The following NLRP9 variants were observed in gnomAD, a reference collection of about 807,000 sequenced individuals.
NLRP9 encodes the protein NLR family pyrin domain containing 9, also known as NACHT, LRR and PYD domains-containing protein 9.
NLRP9 carries 88 observed loss-of-function variants against 83.1 expected under a neutral mutation model. That is an observed-to-expected ratio of 1.06 (90% CI 0.89 to 1.26). The LOEUF (loss-of-function observed/expected upper bound fraction) is 1.26. NLRP9 is among the 50% of genes most tolerant of loss of function. NLRP9 has a pLI of 0.00. For synonymous variants in NLRP9, 521 were observed against 447.6 expected (o/e 1.16, Z -2.07); for missense variants, 1,308 against 1,179.3 (o/e 1.11, Z -1.60).
chr19:55,724,994 G>A (rs1458392019), intron 3 of NLRP9, among the ~76,000 whole-genome samples: 1 of 152,124 alleles, frequency 6.6e-6, no homozygotes, highest in Non-Finnish European at 1.5e-5. Context: ...AGGAGGCGGA[G>A]GCTGCAGTGA....
chr19:55,722,730 C>T (rs1036087402), intron 4 of NLRP9, among the ~76,000 whole-genome samples: 4 of 152,160 alleles, frequency 2.6e-5, no homozygotes, highest in Non-Finnish European at 5.9e-5. Flanking sequence ...CACAATAGCA[C>T]AGCCTTGGAA....
In NLRP9 at chr19:55,737,831, C is replaced by G. The variant is rs553067833; in HGVS notation, c.280+264G>C. ...ATGCAGACACTAACTGGCCACTCAT[C>G]TCCTATAACAACGACTCCACTTGGG... On this transcript the variant is annotated intron_variant, in intron 1 of 8. Coordinates refer to ENST00000332836, the MANE Select transcript of NLRP9 (RefSeq NM_176820.4). 1.3e-4 allele frequency among the ~76,000 whole-genome samples: 19 copies of G among 150,968 alleles called. 1 individual carries two copies. Among genetic ancestry groups the G allele is most frequent in the South Asian group, 2.1e-4 (1 of 4,726 alleles).
intron 5 of NLRP9, among the ~76,000 whole-genome samples, chr19:55,716,105 C>T (rs1260645698): frequency 6.6e-6 from 1 of 152,126 alleles, no homozygotes; most frequent in African/African-American, 2.4e-5. Flanking sequence ...CCGTATACTT[C>T]GCTGAGAGTT....
chr19:55,717,487 A>G (rs1988066830), intron 4 of NLRP9, among the ~76,000 whole-genome samples: 1 of 152,178 alleles, frequency 6.6e-6, no homozygotes, highest in Admixed American at 6.6e-5. Flanking sequence ...GTCTGCATAT[A>G]TTATTGGCTG....
chr19:55,710,301 T>G (rs1258667770), intron 8 of NLRP9, among the ~76,000 whole-genome samples: 1 of 152,140 alleles, frequency 6.6e-6, no homozygotes, highest in Non-Finnish European at 1.5e-5. Flanking sequence ...TCTGAATTCA[T>G]TTTTCCCTTT....
In NLRP9 at chr19:55,735,538, T is replaced by C. The variant is rs1988762480; in HGVS notation, c.281-1988A>G. Reference sequence around the variant, plus strand: ...AGCTTGATCTGTGTCTGTATTACTCTACATTTTTCTTCTGCCCGATTTTTC... The same window carrying C: ...AGCTTGATCTGTGTCTGTATTACTCCACATTTTTCTTCTGCCCGATTTTTC... On this transcript the variant is annotated intron_variant, in intron 1 of 8. Transcript: ENST00000332836. Among the ~76,000 whole-genome samples the C allele has an allele frequency of 2.0e-5, 3 of 152,212 alleles. No homozygotes were observed. In the South Asian group the frequency reaches 6.2e-4, roughly 31 times the overall value.
rs752934372 is a variant in NLRP9, at chr19:55,716,805, T to G, written c.2253A>C (p.Glu751Asp). The G allele has an allele frequency of 2.0e-5, 32 of 1,613,822 alleles. No individual in the cohort carries two copies. The highest frequency in any genetic ancestry group is 2.6e-5 in the Non-Finnish European group (31 of 1,179,916). The part of the protein sequence containing the change: ...NSKLKHLSLV[E>D]NPLRDEGMTL... The stretch of plus-strand genomic sequence containing the variant: ...TCATTCCTTCGTCCCTCAAGGGATT[T>G]TCTACCAAGGAGAGGTGTTTCAGCT... The change falls in exon 5 of 9, where the codon GAA becomes GAC. Residue 751 changes from glutamate to aspartate, a missense_variant. Coordinates refer to ENST00000332836, the MANE Select transcript of NLRP9 (RefSeq NM_176820.4).
chr19:55,715,172 A>C lies in NLRP9; in HGVS notation c.2384T>G (p.Leu795Arg). The C allele has an allele frequency of 6.2e-7, 1 of 1,613,452 alleles. No individual in the cohort carries two copies. The highest frequency in any genetic ancestry group is 1.1e-5 in the South Asian group (1 of 91,068). The change falls in exon 6 of 9, where the codon CTC becomes CGC. Residue 795 changes from leucine (L) to arginine (R), a missense_variant. Physicochemically the swap from Leu to Arg is moderately radical, Grantham distance 102. Coordinates refer to ENST00000332836, the MANE Select transcript of NLRP9 (RefSeq NM_176820.4). Reference sequence around the variant, plus strand: ...GAGGGACAGGGACTTACTGCACAAGAGGACTTCGGAAATGGAGTCACAGGA... The same window carrying C: ...GAGGGACAGGGACTTACTGCACAAGCGGACTTCGGAAATGGAGTCACAGGA... ...SVSCDSISEVLLCSKSLSLLD... is the reference protein window; with the variant it reads ...SVSCDSISEVRLCSKSLSLLD...
chr19:55,727,930 G>A (rs1988448319), intron 3 of NLRP9, among the ~76,000 whole-genome samples: 1 of 152,080 alleles, frequency 6.6e-6, no homozygotes, highest in Admixed American at 6.5e-5. Flanking sequence ...GCACACAAAG[G>A]AAAAACCACC....
At position 55,737,103 on chromosome 19, in the gene NLRP9, C is replaced by T. The variant is rs541862989; in HGVS notation, c.280+992G>A. 2.3e-4 allele frequency among the ~76,000 whole-genome samples: 35 copies of T among 151,860 alleles called. No individual in the cohort carries two copies. In the South Asian group the frequency reaches 7.3e-3, roughly 32 times the overall value. On this transcript the variant is annotated intron_variant, in intron 1 of 8. Coordinates refer to ENST00000332836, the MANE Select transcript of NLRP9 (RefSeq NM_176820.4). ...ATATATTTAGTTTTTCCTAAGTATC[C>T]CCCGAGAGGAGGGTGTAGACCCCAT...
rs767341532 is a variant in NLRP9 at position 55,733,499 on chromosome 19, CAT to C, written c.330_331del (p.Ile110MetfsTer11). ...GACGTGAAGACAGGTTTCCTTCTCC[CAT>C]ATGAGTTGAAATGTTTCCTTCATAT... On this transcript the variant is annotated frameshift_variant, in exon 2 of 9. Transcript: ENST00000332836. LOFTEE classifies it high-confidence loss of function. 3.7e-6 allele frequency: 6 copies of C among 1,610,628 alleles called. No homozygotes were observed. Among genetic ancestry groups the C allele is most frequent in the Middle Eastern group, 1.7e-4 (1 of 6,056 alleles).
At chr19:55,718,521 T>C (rs1177079208) in intron 4 of NLRP9, among the ~76,000 whole-genome samples, 2 of 152,208 alleles carry the variant, frequency 1.3e-5, no homozygotes, top group Non-Finnish European at 2.9e-5. Context: ...CTGTGACTCT[T>C]TGCTACACTG....
At chr19:55,737,955 G>C in intron 1 of NLRP9, 140 bp downstream of exon 1, 1 of 820,222 alleles carries the variant, frequency 1.2e-6, no homozygotes, top group Non-Finnish European at 2.0e-6. Context: ...GCCCTGGCCT[G>C]CAACTCTTCC....
intron 5 of NLRP9, among the ~76,000 whole-genome samples, chr19:55,715,492 A>G (rs1223150670): frequency 2.6e-5 from 4 of 152,110 alleles, no homozygotes; most frequent in Non-Finnish European, 5.9e-5. Context: ...TGAGACCAGC[A>G]TGACCCACAT....
At chr19:55,731,585 G>A (rs1600141206) in intron 2 of NLRP9, among the ~76,000 whole-genome samples, 1 of 151,850 alleles carries the variant, frequency 6.6e-6, no homozygotes, top group Non-Finnish European at 1.5e-5. Flanking sequence ...TTAGCCGGGC[G>A]TGGTGGCGGG....
At chr19:55,717,354 T>G (rs1988062220) in intron 4 of NLRP9, among the ~76,000 whole-genome samples, 1 of 152,132 alleles carries the variant, frequency 6.6e-6, no homozygotes, top group Non-Finnish European at 1.5e-5. Flanking sequence ...TTTTAAGAAG[T>G]GCAAACGTAA....
chr19:55,731,897 T>C, intron 2 of NLRP9, 102 bp downstream of exon 2: 1 of 712,004 alleles, frequency 1.4e-6, no homozygotes. Flanking sequence ...CCGACCTCCA[T>C]GCTTTTAAGC....
At chr19:55,727,936 C>CA (rs1988448560) in intron 3 of NLRP9, among the ~76,000 whole-genome samples, 1 of 152,140 alleles carries the variant, frequency 6.6e-6, no homozygotes, top group Non-Finnish European at 1.5e-5. Context: ...AAAGGAAAAA[C>CA]CACCAAGGGG....
At chr19:55,728,467 G>A (rs968473713) in intron 3 of NLRP9, among the ~76,000 whole-genome samples, 1 of 152,090 alleles carries the variant, frequency 6.6e-6, no homozygotes, top group Non-Finnish European at 1.5e-5. Flanking sequence ...AGTTACTCGG[G>A]AGACTGAGGC....
Sources: gnomAD v4.1 joint callset for allele counts (sites outside exome capture counted in the v4.1 genomes callset) on GRCh38, gnomAD v4.1.1 for gene constraint, MANE v1.5 for transcripts, NCBI Gene and HGNC (gene_info 2026-07-23, HGNC 2026-07-21) for gene names.